Variants in KIAA1217 observed in about 807,000 individuals in gnomAD.
The protein encoded by KIAA1217 is KIAA1217.
KIAA1217 carries 88 observed loss-of-function variants against 163.9 expected under a neutral mutation model. The ratio of observed to expected loss-of-function variants is 0.54; its 90% CI spans 0.45 to 0.64. The LOEUF (loss-of-function observed/expected upper bound fraction) is 0.64. Among genes scored for constraint, KIAA1217 ranks in the 30% least tolerant of loss-of-function variants. KIAA1217 has a pLI of 0.00. For synonymous variants in KIAA1217, 903 were observed against 923.1 expected (o/e 0.98, Z 0.39); for missense variants, 2,372 against 2,475.0 (o/e 0.96, Z 0.88).
At chr10:24,095,219 C>T (rs1241659565) in intron 2 of KIAA1217, among the ~76,000 whole-genome samples, 2 of 152,330 alleles carry the variant, frequency 1.3e-5, no homozygotes, top group South Asian at 2.1e-4. Context: ...TGCTTCTGCT[C>T]GTGCACGGGT....
intron 2 of KIAA1217, among the ~76,000 whole-genome samples, chr10:24,022,258 T>TA (rs943134608): frequency 2.0e-5 from 3 of 151,256 alleles, no homozygotes; most frequent in Non-Finnish European, 3.0e-5. Context: ...ACTCAGCAAT[T>TA]AAAAAAACCA....
intron 6 of KIAA1217, among the ~76,000 whole-genome samples, chr10:24,486,372 G>A (rs1389654792): frequency 6.6e-6 from 1 of 152,182 alleles, no homozygotes; most frequent in Admixed American, 6.5e-5. Flanking sequence ...CAGCTCCAGG[G>A]TATCCCTATT....
chr10:24,099,586 T>TATATATATATATATATATATATTA lies in KIAA1217; in HGVS notation c.-171+92212_-171+92213insATATATATATATATATATATATTA, dbSNP rs1306527831. 6.3e-5 allele frequency among the ~76,000 whole-genome samples: 9 copies of TATATATATATATATATATATATTA among 143,428 alleles called. No homozygotes were observed. The East Asian group carries it at 1.2e-3, about 20-fold the overall frequency. The allele number at this position is 143,428 out of a possible 152,430, so 94.1% of individuals were successfully genotyped here. ...CATTTTCTTTATATATATATATATA[T>TATATATATATATATATATATATTA]TATATATATATATTTTATTATACTT... On this transcript the variant is annotated intron_variant, in intron 2 of 18. Transcript: ENST00000376462.
chr10:23,956,984 C>T (rs1275108457), intron 1 of KIAA1217, among the ~76,000 whole-genome samples: 1 of 152,204 alleles, frequency 6.6e-6, no homozygotes, highest in African/African-American at 2.4e-5. Flanking sequence ...TCATCACCTT[C>T]ACTTTCTTCC....
At chr10:24,326,711 G>C (rs914770718) in intron 2 of KIAA1217, among the ~76,000 whole-genome samples, 1 of 151,928 alleles carries the variant, frequency 6.6e-6, no homozygotes. Flanking sequence ...GTCCACAAAA[G>C]GTTTGTGGCA....
chr10:24,349,655 G>A (rs2048215648), intron 2 of KIAA1217, among the ~76,000 whole-genome samples: 1 of 152,162 alleles, frequency 6.6e-6, no homozygotes, highest in Admixed American at 6.5e-5. Flanking sequence ...GTGCTGGTGG[G>A]ATTGTAAACA....
At chr10:23,977,188 TAAG>T (rs1301162782) in intron 1 of KIAA1217, among the ~76,000 whole-genome samples, 1 of 152,230 alleles carries the variant, frequency 6.6e-6, no homozygotes, top group Non-Finnish European at 1.5e-5. Flanking sequence ...GATTTGGTTG[TAAG>T]AAGAGAAGCA....
At chr10:24,114,284 T>C (rs1281939790) in intron 2 of KIAA1217, among the ~76,000 whole-genome samples, 1 of 152,080 alleles carries the variant, frequency 6.6e-6, no homozygotes, top group Non-Finnish European at 1.5e-5. Flanking sequence ...GGCACATGTA[T>C]ACATAGGTAA....
Position 24,270,059 on chromosome 10 carries a change from T to C in KIAA1217, c.354+50150T>C, listed in dbSNP as rs556060952. The stretch of plus-strand genomic sequence containing the variant: ...CGTTAGAACACAGATTGCCGAGTTC[T>C]GGTTCTCAGTCCACCCAAGTCTGGT... On this transcript the variant is annotated intron_variant, in intron 2 of 20. Transcript: ENST00000376454. Among the ~76,000 whole-genome samples, 38 of 152,344 alleles carry C rather than the reference T, an allele frequency of 2.5e-4. No individual in the cohort carries two copies. In the South Asian group the frequency reaches 7.9e-3, roughly 32 times the overall value.
At chr10:23,878,454 C>T (rs1840804009) in intron 1 of KIAA1217, among the ~76,000 whole-genome samples, 1 of 151,876 alleles carries the variant, frequency 6.6e-6, no homozygotes, top group African/African-American at 2.4e-5. Context: ...TAAATATTTA[C>T]TGAGCATCTA....
At chr10:24,123,048 C>T (rs902929222) in intron 2 of KIAA1217, among the ~76,000 whole-genome samples, 2 of 151,822 alleles carry the variant, frequency 1.3e-5, no homozygotes, top group Non-Finnish European at 2.9e-5. Flanking sequence ...TTCTCTCCCC[C>T]TTCCTTTCCA....
chr10:24,094,671 G>A (rs529362951), intron 2 of KIAA1217, among the ~76,000 whole-genome samples: 30 of 152,316 alleles, frequency 2.0e-4, no homozygotes, highest in East Asian at 1.4e-3. Flanking sequence ...TAGGCTGCTC[G>A]GGGGTCAGGG....
chr10:24,355,515 C>A (rs1422399667), intron 2 of KIAA1217, among the ~76,000 whole-genome samples: 1 of 151,876 alleles, frequency 6.6e-6, no homozygotes, highest in Non-Finnish European at 1.5e-5. Context: ...GGACACTAAT[C>A]CCATCACAAG....
intron 6 of KIAA1217, chr10:24,483,037 A>C (rs1218675961): frequency 6.6e-6 from 1 of 152,510 alleles, no homozygotes; most frequent in African/African-American, 2.4e-5. Flanking sequence ...AAAAAAAAAA[A>C]AGTCTGTATA....
intron 2 of KIAA1217, among the ~76,000 whole-genome samples, chr10:24,292,078 T>G (rs1034513256): frequency 3.3e-5 from 5 of 152,234 alleles, no homozygotes; most frequent in African/African-American, 1.2e-4. Context: ...GGATGAGTTT[T>G]CTGGCTTTTC....
At position 24,381,504 on chromosome 10, in the gene KIAA1217, T is replaced by C. The variant is rs72776739; in HGVS notation, c.553+437T>C. ...GATCAGCTGTGGCATCCGCTTCTCATAGGAGCTGAACCCTATTATGAACTG... is the reference window on the plus strand; with the variant it reads ...GATCAGCTGTGGCATCCGCTTCTCACAGGAGCTGAACCCTATTATGAACTG... On this transcript the variant is annotated intron_variant, in intron 3 of 20. Coordinates refer to ENST00000376454, the MANE Select transcript of KIAA1217 (RefSeq NM_019590.5). Among the ~76,000 whole-genome samples, 564 of 152,316 alleles carry C rather than the reference T, an allele frequency of 3.7e-3. 4 individuals carry two copies. The highest frequency in any genetic ancestry group is 6.8e-3 in the Middle Eastern group (2 of 294).
intron 1 of KIAA1217, among the ~76,000 whole-genome samples, chr10:23,823,450 G>T (rs1251561811): frequency 6.6e-6 from 1 of 152,170 alleles, no homozygotes; most frequent in Non-Finnish European, 1.5e-5. Flanking sequence ...TCTGCCCCTA[G>T]AAGAGATGGC....
At chr10:24,365,624 A>G (rs1329916023) in intron 2 of KIAA1217, among the ~76,000 whole-genome samples, 2 of 152,120 alleles carry the variant, frequency 1.3e-5, no homozygotes, top group African/African-American at 4.8e-5. Flanking sequence ...AAGGGCTTTT[A>G]TGAGGTCACT....
At chr10:24,494,170 C>CT (rs1430023907) in intron 6 of KIAA1217, among the ~76,000 whole-genome samples, 3 of 152,162 alleles carry the variant, frequency 2.0e-5, no homozygotes, top group Admixed American at 1.3e-4. Context: ...GGGAACAGCC[C>CT]TTTTGTGCAA....
Sources: allele counts gnomAD v4.1 joint callset (sites outside exome capture counted in the v4.1 genomes callset), GRCh38; gene constraint gnomAD v4.1.1; transcripts MANE v1.5; gene names NCBI Gene and HGNC (gene_info 2026-07-23, HGNC 2026-07-21).